GRID2: variants seen among roughly 807,000 people sequenced by gnomAD.
The protein encoded by GRID2 is glutamate receptor ionotropic, delta-2.
A neutral mutation model predicts 114.8 loss-of-function variants in GRID2; 33 were observed. The observed-to-expected ratio is 0.29, with a 90% CI of 0.22 to 0.38. The LOEUF is 0.38. Ranked by LOEUF, GRID2 falls within the 10% of genes least tolerant of loss-of-function variation. GRID2 has a pLI of 1.00. For synonymous variants in GRID2, 505 were observed against 449.9 expected (o/e 1.12, Z -1.55); for missense variants, 1,184 against 1,257.7 (o/e 0.94, Z 0.89).
intron 8 of GRID2, among the ~76,000 whole-genome samples, chr4:93,308,626 A>C (rs951185819): frequency 6.6e-6 from 1 of 152,234 alleles, no homozygotes; most frequent in Non-Finnish European, 1.5e-5. Flanking sequence ...ACTCTACATA[A>C]TGGAGAAAGG....
At chr4:92,755,043 A>T (rs1158807656) in intron 2 of GRID2, among the ~76,000 whole-genome samples, 3 of 152,144 alleles carry the variant, frequency 2.0e-5, no homozygotes, top group Admixed American at 2.0e-4. Context: ...ACAAAGAGGG[A>T]AACATGATGT....
chr4:93,385,257 T>C (rs891121881), intron 8 of GRID2, among the ~76,000 whole-genome samples: 1 of 152,228 alleles, frequency 6.6e-6, no homozygotes, highest in African/African-American at 2.4e-5. Context: ...TTGATTGTAC[T>C]ATCTCTAGCG....
intron 2 of GRID2, among the ~76,000 whole-genome samples, chr4:92,867,874 A>C (rs1378437554): frequency 6.6e-6 from 1 of 152,172 alleles, no homozygotes; most frequent in Non-Finnish European, 1.5e-5. Flanking sequence ...GAATCATTTA[A>C]CAGATCAGCA....
rs184393946 is a variant in GRID2, at chr4:93,588,676, C to A, written c.2194-37593C>A. On this transcript the variant is annotated intron_variant, in intron 13 of 15. Transcript: ENST00000282020. ...TTTAAAGGCTGCAGAGTCACACTCA[C>A]AATTGCCTACAGCAGATGGGTAAAC... Among the ~76,000 whole-genome samples the A allele has an allele frequency of 4.8e-4, 73 of 152,350 alleles. 1 individual carries two copies. Among genetic ancestry groups the A allele is most frequent in the Admixed American group, 1.2e-3 (18 of 15,296 alleles).
intron 8 of GRID2, among the ~76,000 whole-genome samples, chr4:93,278,074 T>G (rs73837754): frequency 8.8e-4 from 134 of 151,968 alleles, no homozygotes; most frequent in African/African-American, 3.1e-3. Flanking sequence ...TTTGACTGGA[T>G]TAGACACAGA....
intron 12 of GRID2, among the ~76,000 whole-genome samples, chr4:93,498,057 G>A (rs1262052332): frequency 6.6e-6 from 1 of 151,758 alleles, no homozygotes; most frequent in Non-Finnish European, 1.5e-5. Flanking sequence ...TTGTGCCTAA[G>A]TATTTCTTTT....
intron 1 of GRID2, among the ~76,000 whole-genome samples, chr4:92,358,019 A>C (rs904591400): frequency 3.9e-5 from 6 of 151,972 alleles, no homozygotes; most frequent in Admixed American, 2.6e-4. Flanking sequence ...GTAACATTCC[A>C]GCTTACTTCA....
intron 14 of GRID2, among the ~76,000 whole-genome samples, chr4:93,635,263 C>G (rs1465269854): frequency 1.3e-5 from 2 of 150,740 alleles, no homozygotes; most frequent in African/African-American, 4.9e-5. Context: ...TGTTCCAGAT[C>G]AAGAAAACAA....
intron 14 of GRID2, among the ~76,000 whole-genome samples, chr4:93,654,758 A>G (rs1722862973): frequency 6.6e-6 from 1 of 152,162 alleles, no homozygotes; most frequent in Non-Finnish European, 1.5e-5. Context: ...TGAAAATGAT[A>G]AGGAGCCGAA....
intron 14 of GRID2, among the ~76,000 whole-genome samples, chr4:93,669,586 T>C (rs1469114560): frequency 6.6e-6 from 1 of 152,142 alleles, no homozygotes; most frequent in Non-Finnish European, 1.5e-5. Context: ...CTTTGAACTA[T>C]CTGAATTTCA....
At chr4:92,794,928 ATCCTG>A (rs1739789350) in intron 2 of GRID2, among the ~76,000 whole-genome samples, 1 of 146,902 alleles carries the variant, frequency 6.8e-6, no homozygotes, top group African/African-American at 2.5e-5. Flanking sequence ...ACACACACAT[ATCCTG>A]TATACTTACA....
chr4:93,560,619 T>C (rs1298352711), intron 13 of GRID2, among the ~76,000 whole-genome samples: 1 of 152,096 alleles, frequency 6.6e-6, no homozygotes, highest in Non-Finnish European at 1.5e-5. Flanking sequence ...GGGACACAGA[T>C]CCAAACCCTA....
At position 92,496,870 on chromosome 4, in the gene GRID2, T is replaced by TA. The variant is rs554646048; in HGVS notation, c.89-93252dup. Among the ~76,000 whole-genome samples the TA allele has an allele frequency of 1.0e-3, 158 of 151,084 alleles. 2 individuals carry two copies. The South Asian group carries it at 0.027, about 26-fold the overall frequency. On this transcript the variant is annotated intron_variant, in intron 1 of 15. Transcript: ENST00000282020. ...TCCAGATATCTTTTTCCAGTGAAAT[T>TA]AAAAAAAAATTACTTAATTTATACA...
At chr4:93,512,858 A>G (rs1004107585) in intron 12 of GRID2, among the ~76,000 whole-genome samples, 2 of 152,160 alleles carry the variant, frequency 1.3e-5, no homozygotes, top group African/African-American at 2.4e-5. Context: ...TGTCACAGAA[A>G]CCTGATCATA....
At chr4:93,469,253 A>G (rs540870264) in intron 11 of GRID2, among the ~76,000 whole-genome samples, 3 of 152,058 alleles carry the variant, frequency 2.0e-5, no homozygotes, top group Non-Finnish European at 4.4e-5. Flanking sequence ...TCTTTCTGGG[A>G]AGAATAAATG....
intron 2 of GRID2, among the ~76,000 whole-genome samples, chr4:92,624,386 T>G (rs1220687673): frequency 6.6e-6 from 1 of 151,808 alleles, no homozygotes; most frequent in African/African-American, 2.4e-5. Flanking sequence ...CAGTTATTGA[T>G]CCATGGTGTT....
chr4:92,877,254 T>C (rs762603676), intron 2 of GRID2, among the ~76,000 whole-genome samples: 122 of 152,172 alleles, frequency 8.0e-4, no homozygotes, highest in Non-Finnish European at 1.5e-3. Context: ...AGGTAGGAAA[T>C]TGCTTAAGCA....
chr4:92,791,796 G>T (rs542346319), intron 2 of GRID2, among the ~76,000 whole-genome samples: 18 of 151,884 alleles, frequency 1.2e-4, no homozygotes, highest in Non-Finnish European at 2.4e-4. Context: ...TATAAGCAGT[G>T]TTAGTTCCAT....
intron 8 of GRID2, among the ~76,000 whole-genome samples, chr4:93,324,967 T>C (rs912100618): frequency 6.6e-6 from 1 of 152,182 alleles, no homozygotes; most frequent in Non-Finnish European, 1.5e-5. Context: ...ATCAATTTTG[T>C]TGATCTTTTC....
Sources: allele counts gnomAD v4.1 joint callset (sites outside exome capture counted in the v4.1 genomes callset), GRCh38; gene constraint gnomAD v4.1.1; transcripts MANE v1.5; gene names NCBI Gene and HGNC (gene_info 2026-07-23, HGNC 2026-07-21).